Variants in DCBLD2 observed in about 807,000 individuals in gnomAD.
DCBLD2 encodes the protein discoidin, CUB and LCCL domain-containing protein 2.
DCBLD2 carries 54 observed loss-of-function variants against 86.8 expected under a neutral mutation model. The observed-to-expected ratio is 0.62, with a 90% confidence interval of 0.50 to 0.78. The LOEUF (loss-of-function observed/expected upper bound fraction) is 0.78, where lower values mean the gene tolerates loss of function less well. Among genes scored for constraint, DCBLD2 ranks in the 30% least tolerant of loss-of-function variants. The pLI is 0.00. For missense variants in DCBLD2, 908 were observed against 954.2 expected (o/e 0.95, Z 0.64); for synonymous variants, 354 against 341.3 (o/e 1.04, Z -0.41).
chr3:98,859,086 G>A (rs1401793880), intron 2 of DCBLD2, among the ~76,000 whole-genome samples: 1 of 152,146 alleles, frequency 6.6e-6, no homozygotes. Flanking sequence ...TACATCCCAC[G>A]CCTGGCTCGG....
chr3:98,808,348 A>G (rs1941878401), intron 12 of DCBLD2, among the ~76,000 whole-genome samples, 174 bp from the exon 13 acceptor site: 1 of 152,222 alleles, frequency 6.6e-6, no homozygotes, highest in African/African-American at 2.4e-5. Context: ...GCTTTTGCAG[A>G]TACACAAAAG....
At position 98,849,557 on chromosome 3, in the gene DCBLD2, C is replaced by G; in HGVS notation, c.475G>C (p.Glu159Gln). ...GLGLQMNHSI[E>Q]SKGNEITLLF... ...AATGTGATTTCATTGCCTTTTGATTCAATTGAATGGTTCATTTGCAACCCC... is the reference window on the plus strand; with the variant it reads ...AATGTGATTTCATTGCCTTTTGATTGAATTGAATGGTTCATTTGCAACCCC... Residue 159 changes from glutamate (E) to glutamine (Q), a missense_variant, in exon 3 of 16, where the codon GAA becomes CAA. This residue lies in a region of DCBLD2 where 294 missense variants were observed against 256.0 expected (regional missense o/e 1.15). Transcript: ENST00000326840. The G allele has an allele frequency of 6.2e-7, 1 of 1,613,786 alleles. No homozygotes were observed.
At chr3:98,836,901 G>A (rs1942471875) in intron 3 of DCBLD2, among the ~76,000 whole-genome samples, 1 of 80,144 alleles carries the variant, frequency 1.2e-5, no homozygotes, top group Non-Finnish European at 2.7e-5. Context: ...CCCGGAGGGG[G>A]CGGCTGGCCG....
At chr3:98,880,381 T>G (rs1172432468) in intron 2 of DCBLD2, among the ~76,000 whole-genome samples, 1 of 152,204 alleles carries the variant, frequency 6.6e-6, no homozygotes, top group East Asian at 1.9e-4. Context: ...CACAGAGAAT[T>G]CCTAATTTTA....
Position 98,799,395 on chromosome 3 carries a change from C to A in DCBLD2, c.2305G>T (p.Asp769Tyr), listed in dbSNP as rs746766257. The change falls in exon 16 of 16, where the codon GAT becomes TAT. Residue 769 changes from aspartate to tyrosine, a missense_variant. Asp to Tyr is a radical substitution (Grantham distance 160). Around this residue, in one of 3 missense-constraint regions of DCBLD2, gnomAD observed 606 missense variants for 678.5 expected, o/e 0.89. Coordinates refer to ENST00000326840, the MANE Select transcript of DCBLD2 (RefSeq NM_080927.4). Reference protein sequence around the residue: ...VSGAGRDGECDVFKEIL With the variant: ...VSGAGRDGECYVFKEIL ...CTTCAAAGGATTTCTTTAAAAACATCACATTCCCCATCCCTTCCTGCTCCT... is the reference window on the plus strand; with the variant it reads ...CTTCAAAGGATTTCTTTAAAAACATAACATTCCCCATCCCTTCCTGCTCCT... The A allele has an allele frequency of 2.5e-6, 4 of 1,609,596 alleles. No individual in the cohort carries two copies. In the African/African-American group the frequency reaches 5.3e-5, roughly 22 times the overall value.
chr3:98,891,180 CAGAGGG>C (rs1008704082), intron 1 of DCBLD2, among the ~76,000 whole-genome samples: 1 of 145,580 alleles, frequency 6.9e-6, no homozygotes, highest in Non-Finnish European at 1.5e-5. Flanking sequence ...GCATGTGTGA[CAGAGGG>C]AGAGGGAGAA....
intron 12 of DCBLD2, among the ~76,000 whole-genome samples, chr3:98,809,757 A>G (rs1158849238): frequency 6.6e-6 from 1 of 152,184 alleles, no homozygotes; most frequent in East Asian, 1.9e-4. Context: ...CCTGGAAACT[A>G]CAGAGGCACA....
At chr3:98,890,824 T>C (rs1183824085) in intron 1 of DCBLD2, among the ~76,000 whole-genome samples, 1 of 152,084 alleles carries the variant, frequency 6.6e-6, no homozygotes, top group African/African-American at 2.4e-5. Context: ...TTCCCCACTC[T>C]GTATTCTATG....
intron 1 of DCBLD2, among the ~76,000 whole-genome samples, chr3:98,886,410 A>T (rs1164751854): frequency 6.6e-6 from 1 of 151,988 alleles, no homozygotes; most frequent in East Asian, 1.9e-4. Context: ...CCTGCTCATA[A>T]GGCAGAATTG....
intron 3 of DCBLD2, among the ~76,000 whole-genome samples, chr3:98,839,965 C>T (rs899074586): frequency 2.0e-5 from 3 of 151,876 alleles, no homozygotes; most frequent in African/African-American, 7.3e-5. Flanking sequence ...GAACAGGCAG[C>T]GGGAATCAAA....
At chr3:98,817,731 A>C (rs1453687358) in intron 9 of DCBLD2, 38 bp downstream of exon 9, 2 of 1,606,420 alleles carry the variant, frequency 1.2e-6, no homozygotes, top group Non-Finnish European at 8.5e-7. Flanking sequence ...CACCCATTTA[A>C]AAAATGTTTT....
At chr3:98,822,610 G>A in intron 5 of DCBLD2, 59 bp downstream of exon 5, 1 of 1,463,252 alleles carries the variant, frequency 6.8e-7, no homozygotes, top group South Asian at 1.3e-5. Flanking sequence ...TAACTACTCT[G>A]GAGTTCTAAA....
At chr3:98,885,950 G>A (rs1330512709) in intron 1 of DCBLD2, among the ~76,000 whole-genome samples, 1 of 151,614 alleles carries the variant, frequency 6.6e-6, no homozygotes, top group Non-Finnish European at 1.5e-5. Flanking sequence ...TCATGCACAG[G>A]AGGTCCCTCA....
intron 8 of DCBLD2, among the ~76,000 whole-genome samples, chr3:98,818,778 C>T (rs1942067051): frequency 6.6e-6 from 1 of 152,204 alleles, no homozygotes. Context: ...CATCAGACTC[C>T]AAGTTCTTAG....
chr3:98,797,218 T>C lies in DCBLD2; in HGVS notation c.*2154A>G, dbSNP rs748259036. 6.6e-6 allele frequency: 1 copy of C among 151,120 alleles called. No homozygotes were observed. Among genetic ancestry groups the C allele is most frequent in the Non-Finnish European group, 1.5e-5 (1 of 67,722 alleles). 9.4% of individuals were successfully genotyped at this position (151,120 alleles called of 1,614,324 possible). Reference sequence around the variant, plus strand: ...TATTGGTAGTTCAAGGATAGCACAGTGGCAATATGAATCGAGTCTTAAAAT... The same window carrying C: ...TATTGGTAGTTCAAGGATAGCACAGCGGCAATATGAATCGAGTCTTAAAAT... On this transcript the variant is annotated 3_prime_UTR_variant, in exon 16 of 16. Transcript: ENST00000326840.
chr3:98,877,036 G>C (rs905805707), intron 2 of DCBLD2, among the ~76,000 whole-genome samples: 4 of 152,190 alleles, frequency 2.6e-5, no homozygotes, highest in Non-Finnish European at 5.9e-5. Flanking sequence ...TAGCTACAGG[G>C]AGTGAGTGGA....
chr3:98,888,847 T>A (rs1943606866), intron 1 of DCBLD2, among the ~76,000 whole-genome samples: 1 of 152,054 alleles, frequency 6.6e-6, no homozygotes, highest in Admixed American at 6.6e-5. Flanking sequence ...TAACTCACTC[T>A]CAGGACCACA....
chr3:98,800,278 A>C (rs142625414), intron 15 of DCBLD2, among the ~76,000 whole-genome samples: 1 of 152,312 alleles, frequency 6.6e-6, no homozygotes, highest in African/African-American at 2.4e-5. Flanking sequence ...TAAACACTGT[A>C]AGGCTTCTTC....
intron 3 of DCBLD2, among the ~76,000 whole-genome samples, chr3:98,835,254 G>T (rs1259355234): frequency 1.1e-5 from 1 of 87,518 alleles, no homozygotes. Context: ...TTACAGGCAG[G>T]AGCCACCGCG....
Sources: allele counts gnomAD v4.1 joint callset (sites outside exome capture counted in the v4.1 genomes callset), GRCh38; gene constraint gnomAD v4.1.1; regional missense constraint gnomAD v4.1.1; transcripts MANE v1.5; gene names NCBI Gene and HGNC (gene_info 2026-07-23, HGNC 2026-07-21).